Variants in GABRR2 observed in about 807,000 individuals in gnomAD.
The protein encoded by GABRR2 is gamma-aminobutyric acid type A receptor subunit rho2, also known as gamma-aminobutyric acid receptor subunit rho-2.
Under a neutral mutation model 47.0 loss-of-function variants are expected in GABRR2, and 36 were observed. That is an observed-to-expected ratio of 0.77 (90% confidence interval 0.59 to 1.01). The LOEUF (loss-of-function observed/expected upper bound fraction) is 1.01, where lower values mean the gene tolerates loss of function less well. GABRR2 is among the 50% of genes least tolerant of loss of function. The pLI is 0.00. For synonymous variants in GABRR2, 204 were observed against 227.5 expected (o/e 0.90, Z 0.93); for missense variants, 587 against 594.6 (o/e 0.99, Z 0.13).
intron 2 of GABRR2, among the ~76,000 whole-genome samples, chr6:89,299,551 T>G (rs185351859): frequency 6.6e-6 from 1 of 152,332 alleles, no homozygotes; most frequent in African/African-American, 2.4e-5. Flanking sequence ...TAGTCACTGG[T>G]GGGCCCTCTT....
chr6:89,296,025 G>C (rs1283112707), intron 2 of GABRR2, among the ~76,000 whole-genome samples: 1 of 152,140 alleles, frequency 6.6e-6, no homozygotes, highest in African/African-American at 2.4e-5. Flanking sequence ...GGTTACTTTG[G>C]GGGCCCAGGC....
At chr6:89,302,510 T>C in intron 1 of GABRR2, 1 of 755,136 alleles carries the variant, frequency 1.3e-6, no homozygotes. Flanking sequence ...CCGGGCCAGC[T>C]CAATGCGGAC....
At chr6:89,310,900 C>A (rs1767669933) in intron 1 of GABRR2, among the ~76,000 whole-genome samples, 3 of 152,146 alleles carry the variant, frequency 2.0e-5, no homozygotes, top group Admixed American at 2.0e-4. Flanking sequence ...GAAGAGGAAG[C>A]TATGATAAGA....
intron 2 of GABRR2, among the ~76,000 whole-genome samples, chr6:89,294,059 A>C (rs565074133): frequency 6.6e-6 from 1 of 152,328 alleles, no homozygotes; most frequent in South Asian, 2.1e-4. Context: ...TTTAATTTTT[A>C]AAAAATATTT....
At chr6:89,271,779 G>A in intron 2 of GABRR2, 57 bp from the exon 3 acceptor site, 1 of 1,485,514 alleles carries the variant, frequency 6.7e-7, no homozygotes. Context: ...TTTGGGCTGG[G>A]AACAGCCCCA....
rs150529852 is a variant in GABRR2, at chr6:89,267,735, T to G, written c.680A>C (p.Gln227Pro). ...LKTDEKISLS[Q>P]FLIQKFHTTS... is the part of the protein sequence containing the mutation. The stretch of plus-strand genomic sequence containing the variant: ...TGTGTGAAATTTCTGAATCAGAAAC[T>G]GAGACAAGGAGATCTTCTCATCTGT... Residue 227 changes from glutamine (Q) to proline (P), a missense_variant, in exon 6 of 9, where the codon CAG (glutamine) becomes CCG (proline). Physicochemically the swap from Gln to Pro is moderately conservative, Grantham distance 76 (BLOSUM62 -1). Coordinates refer to ENST00000402938, the MANE Select transcript of GABRR2 (RefSeq NM_002043.5). The G allele has an allele frequency of 7.6e-5, 123 of 1,613,960 alleles. No individual in the cohort carries two copies. The African/African-American group carries it at 1.5e-3, about 20-fold the overall frequency.
intron 8 of GABRR2, 43 bp downstream of exon 8, chr6:89,264,369 C>T (rs1773828144): frequency 6.4e-7 from 1 of 1,571,804 alleles, no homozygotes; most frequent in Non-Finnish European, 8.6e-7. Context: ...TCATTTTCAC[C>T]CAGCAGCATG....
At chr6:89,294,479 A>G (rs1025168963) in intron 2 of GABRR2, among the ~76,000 whole-genome samples, 4 of 152,172 alleles carry the variant, frequency 2.6e-5, no homozygotes, top group African/African-American at 4.8e-5. Flanking sequence ...ATTCCACAGG[A>G]AGTCCCTCTT....
chr6:89,301,278 G>C (rs1238691187), intron 1 of GABRR2, among the ~76,000 whole-genome samples: 2 of 151,954 alleles, frequency 1.3e-5, no homozygotes, highest in African/African-American at 4.8e-5. Flanking sequence ...ATACTAAATG[G>C]GCAAATGCTG....
At chr6:89,278,970 C>T (rs992799402) in intron 2 of GABRR2, among the ~76,000 whole-genome samples, 2 of 152,216 alleles carry the variant, frequency 1.3e-5, no homozygotes, top group Non-Finnish European at 2.9e-5. Flanking sequence ...CTCCTGGCTT[C>T]CCCAGCCAGC....
chr6:89,257,723 A>G lies in GABRR2; in HGVS notation c.1345T>C (p.Phe449Leu). 1 of 1,613,982 alleles carries G rather than the reference A, an allele frequency of 6.2e-7. No individual in the cohort carries two copies. The highest frequency in any genetic ancestry group is 8.5e-7 in the Non-Finnish European group (1 of 1,179,854). Residue 449 changes from phenylalanine (F) to leucine (L), a missense_variant, in exon 9 of 9, where the codon TTC becomes CTC. Transcript: ENST00000402938. ...HAIDKYSRLI[F>L]PASYIFFNLI... is the part of the protein sequence containing the mutation. Reference sequence around the variant, plus strand: ...TTGAAAAATATGTAGGAGGCAGGGAATATCAACCTAGAGTATTTGTCAATG... The same window carrying G: ...TTGAAAAATATGTAGGAGGCAGGGAGTATCAACCTAGAGTATTTGTCAATG...
intron 8 of GABRR2, among the ~76,000 whole-genome samples, chr6:89,262,478 C>T (rs866088763): frequency 6.6e-6 from 1 of 152,172 alleles, no homozygotes. Context: ...AGGCTGCACT[C>T]CCCAGCCTGC....
chr6:89,278,539 T>G (rs759563272), intron 2 of GABRR2, among the ~76,000 whole-genome samples: 1 of 152,228 alleles, frequency 6.6e-6, no homozygotes, highest in Admixed American at 6.5e-5. Flanking sequence ...CTGAGGGGCT[T>G]GAGTCTCACA....
chr6:89,286,085 C>G (rs1015894621), intron 2 of GABRR2, among the ~76,000 whole-genome samples: 8 of 152,190 alleles, frequency 5.3e-5, no homozygotes. Context: ...CTATCTCTGA[C>G]CCGAATCCTA....
chr6:89,305,254 C>T (rs918156379), intron 1 of GABRR2, among the ~76,000 whole-genome samples: 1 of 152,204 alleles, frequency 6.6e-6, no homozygotes, highest in African/African-American at 2.4e-5. Context: ...ACACAGGAGG[C>T]TGAGGCATGA....
chr6:89,286,751 G>C (rs962450058), intron 2 of GABRR2, among the ~76,000 whole-genome samples: 1 of 152,154 alleles, frequency 6.6e-6, no homozygotes, highest in Admixed American at 6.5e-5. Flanking sequence ...AGGAGGGGCT[G>C]TGTGGGACAC....
rs1217862275 is a variant in GABRR2, at chr6:89,292,821, G to A, written c.220+6938C>T. Among the ~76,000 whole-genome samples, 9 of 12,714 alleles carry A rather than the reference G, an allele frequency of 7.1e-4. 2 individuals are homozygous for A. In the East Asian group the frequency reaches 0.11, roughly 149 times the overall value. The allele number at this position is 12,714 out of a possible 152,430, so 8.3% of individuals were successfully genotyped here. On this transcript the variant is annotated intron_variant, in intron 2 of 8. Transcript: ENST00000402938. ...GTATATATCGTATATACGATATATC[G>A]TATATATCGTATATACGATATATCG...
intron 2 of GABRR2, among the ~76,000 whole-genome samples, chr6:89,288,240 A>C (rs1171318806): frequency 6.6e-6 from 1 of 151,634 alleles, no homozygotes; most frequent in Non-Finnish European, 1.5e-5. Flanking sequence ...GGGAGGACCA[A>C]TGGGGAAAAG....
chr6:89,302,912 A>T, intron 1 of GABRR2: 1 of 1,167,432 alleles, frequency 8.6e-7, no homozygotes, highest in Non-Finnish European at 1.2e-6. Flanking sequence ...ATCTCAGAGC[A>T]GTTCACGGAC....
Sources: allele counts gnomAD v4.1 joint callset (sites outside exome capture counted in the v4.1 genomes callset), GRCh38; gene constraint gnomAD v4.1.1; transcripts MANE v1.5; gene names NCBI Gene and HGNC (gene_info 2026-07-23, HGNC 2026-07-21).